RSAD2: variants seen among roughly 807,000 people sequenced by gnomAD.
RSAD2 encodes the protein radical S-adenosyl methionine domain containing 2.
In RSAD2, 38 loss-of-function variants were observed where a neutral mutation model predicts 37.7. The observed-to-expected ratio is 1.01, with a 90% CI of 0.78 to 1.32. The LOEUF (loss-of-function observed/expected upper bound fraction) is 1.32. Among genes scored for constraint, RSAD2 ranks in the 40% most tolerant of loss-of-function variants. The probability of loss-of-function intolerance (pLI) is 0.00; values close to 1 mark genes in which losing one functional copy is unlikely to be tolerated. For missense variants in RSAD2, 428 were observed against 437.5 expected, an observed-to-expected ratio of 0.98 and a Z score of 0.19; for synonymous variants, 163 against 157.4, an observed-to-expected ratio of 1.04 and a Z score of -0.27.
intron 4 of RSAD2, among the ~76,000 whole-genome samples, chr2:6,892,367 A>G (rs1264780809): frequency 6.6e-6 from 1 of 152,204 alleles, no homozygotes; most frequent in African/African-American, 2.4e-5. Context: ...GTTTTCCTCT[A>G]TGCACTATTT....
Position 6,895,984 on chromosome 2 carries a change from C to A in RSAD2, c.*42C>A. The A allele has an allele frequency of 6.3e-7, 1 of 1,583,340 alleles. No individual in the cohort carries two copies. Among genetic ancestry groups the A allele is most frequent in the Non-Finnish European group, 8.6e-7 (1 of 1,158,426 alleles). On this transcript the variant is annotated 3_prime_UTR_variant, in exon 6 of 6. Coordinates refer to ENST00000382040, the MANE Select transcript of RSAD2 (RefSeq NM_080657.5). ...AGACTTCAACACACCAGTGGGAAAA[C>A]TCCTAGAGTAACTGCCATTGTCTGC...
At chr2:6,890,522 A>T (rs1333650147) in intron 4 of RSAD2, among the ~76,000 whole-genome samples, 197 bp downstream of exon 4, 2 of 152,176 alleles carry the variant, frequency 1.3e-5, no homozygotes, top group African/African-American at 4.8e-5. Context: ...CAGGGTCTTT[A>T]GAGAGCTTCA....
Position 6,896,016 on chromosome 2 carries a change from A to G in RSAD2, c.*74A>G. 4 of 1,433,592 alleles carry G rather than the reference A, an allele frequency of 2.8e-6. No individual in the cohort carries two copies. Among genetic ancestry groups the G allele is most frequent in the Admixed American group, 2.0e-5 (1 of 50,414 alleles). 88.8% of individuals were successfully genotyped at this position (1,433,592 alleles called of 1,614,324 possible). A position where few individuals can be genotyped will look rare whatever the true frequency, so the allele number is the denominator to read the frequency against. ...AGTAACTGCCATTGTCTGCAATACT[A>G]TCCCGTTGGTATTTCCCAGTGGCTG... On this transcript the variant is annotated 3_prime_UTR_variant, in exon 6 of 6. Coordinates refer to ENST00000382040, the MANE Select transcript of RSAD2 (RefSeq NM_080657.5).
chr2:6,889,288 A>G (rs544624908), intron 3 of RSAD2, among the ~76,000 whole-genome samples: 5 of 152,350 alleles, frequency 3.3e-5, no homozygotes, highest in African/African-American at 9.6e-5. Flanking sequence ...CTCACAGTCT[A>G]TTAAGGAAGA....
intron 1 of RSAD2, among the ~76,000 whole-genome samples, chr2:6,868,709 T>C (rs1479810418): frequency 6.6e-6 from 1 of 152,220 alleles, no homozygotes; most frequent in Non-Finnish European, 1.5e-5. Context: ...AAGAGTATTC[T>C]CCTCTCTCTT....
chr2:6,871,988 A>G (rs533566304), intron 1 of RSAD2, among the ~76,000 whole-genome samples: 9 of 152,332 alleles, frequency 5.9e-5, no homozygotes, highest in Admixed American at 3.9e-4. Flanking sequence ...ACAGCTTGAG[A>G]TTATGCTAGA....
At position 6,887,099 on chromosome 2, in the gene RSAD2, A is replaced by T; in HGVS notation, c.673A>T (p.Asn225Tyr). Reference sequence around the variant, plus strand: ...CGCTTTCAAGATAAATTCTGTCATTAATCGTTTCAACGTGGAAGAGGACAT... The same window carrying T: ...CGCTTTCAAGATAAATTCTGTCATTTATCGTTTCAACGTGGAAGAGGACAT... ...RVAFKINSVI[N>Y]RFNVEEDMTE... Residue 225 changes from asparagine to tyrosine, a missense_variant, in exon 3 of 6, where the codon AAT becomes TAT. Asn to Tyr is a moderately radical substitution (Grantham distance 143). Transcript: ENST00000382040. The T allele has an allele frequency of 4.3e-6, 7 of 1,614,018 alleles. No homozygotes were observed. Among genetic ancestry groups the T allele is most frequent in the Non-Finnish European group, 5.9e-6 (7 of 1,179,862 alleles).
chr2:6,882,272 C>G (rs928976899), intron 1 of RSAD2, among the ~76,000 whole-genome samples: 5 of 151,642 alleles, frequency 3.3e-5, no homozygotes, highest in African/African-American at 1.2e-4. Context: ...AAGAAGAAAA[C>G]GTCCAAAAAA....
rs1177144341 is a variant in RSAD2 at position 6,895,846 on chromosome 2, A to G, written c.990A>G (p.Glu330=). The G allele has an allele frequency of 6.2e-7, 1 of 1,614,080 alleles. No individual in the cohort carries two copies. The highest frequency in any genetic ancestry group is 8.5e-7 in the Non-Finnish European group (1 of 1,180,004). The change falls in exon 6 of 6, where the codon GAA becomes GAG. Residue 330 remains glutamate (E), a synonymous_variant. Transcript: ENST00000382040. ...AGTCCATCCTGGATGTTGGTGTAGA[A>G]GAAGCTATAAAATTCAGTGGATTTG... The part of the protein sequence containing the change: ...PSKSILDVGV[E]EAIKFSGFDE...
At chr2:6,873,459 A>G (rs925661163), upstream of RSAD2, among the ~76,000 whole-genome samples, 7 of 152,220 alleles carry the variant, frequency 4.6e-5, no homozygotes, top group Non-Finnish European at 1.5e-5. Flanking sequence ...AGGCAATCAT[A>G]CTAAAGGAGG....
chr2:6,888,692 T>C (rs1400234855), intron 3 of RSAD2, among the ~76,000 whole-genome samples: 2 of 152,214 alleles, frequency 1.3e-5, no homozygotes, highest in Non-Finnish European at 2.9e-5. Flanking sequence ...CACTGTAGAT[T>C]TGCCATCAAG....
upstream of RSAD2, chr2:6,876,854 A>C (rs989356638): frequency 2.6e-5 from 4 of 152,192 alleles, no homozygotes; most frequent in Admixed American, 1.3e-4. Context: ...TTTGCTGATG[A>C]AGAAATGGAA....
upstream of RSAD2, among the ~76,000 whole-genome samples, chr2:6,874,659 C>G (rs58874420): frequency 6.5e-3 from 953 of 145,876 alleles, 12 homozygotes; most frequent in African/African-American, 0.023. Flanking sequence ...AACTTTATGA[C>G]TTTTATTTAA....
rs765956759 is a variant in RSAD2 at position 6,877,889 on chromosome 2, C to T, written c.89C>T (p.Pro30Leu). 20 of 1,613,976 alleles carry T rather than the reference C, an allele frequency of 1.2e-5. No homozygotes were observed. The highest frequency in any genetic ancestry group is 5.0e-5 in the Admixed American group (3 of 59,986). ...AGCTCTCTGTGGAGGAGCCTGGTCC[C>T]GCTGTTCTGCTGGCTGAGGGCAACC... ...PLSSLWRSLV[P>L]LFCWLRATFW... The change falls in exon 1 of 6, where the codon CCG becomes CTG. Residue 30 changes from proline to leucine, a missense_variant. By Grantham distance (98) the Pro-to-Leu change is moderately conservative. Transcript: ENST00000382040.
chr2:6,882,634 A>G (rs1663436502), intron 1 of RSAD2, among the ~76,000 whole-genome samples: 1 of 152,214 alleles, frequency 6.6e-6, no homozygotes, highest in South Asian at 2.1e-4. Flanking sequence ...ATAAAGAGCT[A>G]TGATTTGAGA....
intron 1 of RSAD2, among the ~76,000 whole-genome samples, chr2:6,869,274 T>C (rs1663163674): frequency 6.6e-6 from 1 of 152,316 alleles, no homozygotes; most frequent in Non-Finnish European, 1.5e-5. Flanking sequence ...TAAAGCCCAG[T>C]TGGGAGTCTA....
chr2:6,883,926 TG>T (rs1663465654), intron 2 of RSAD2: 2 of 171,880 alleles, frequency 1.2e-5, no homozygotes, highest in African/African-American at 4.8e-5. Context: ...CCTCGTGGTG[TG>T]TGGATTAGCC....
At chr2:6,892,315 G>A (rs1245090092) in intron 4 of RSAD2, among the ~76,000 whole-genome samples, 2 of 152,168 alleles carry the variant, frequency 1.3e-5, no homozygotes, top group African/African-American at 2.4e-5. Flanking sequence ...CAGAATGAAG[G>A]ACAGGATGAC....
chr2:6,890,219 A>G lies in RSAD2; in HGVS notation c.782A>G (p.Asp261Gly). Residue 261 changes from aspartate (D) to glycine (G), a missense_variant, in exon 4 of 6, where the codon GAT becomes GGT. By Grantham distance (94) the Asp-to-Gly change is moderately conservative (BLOSUM62 -1). Transcript: ENST00000382040. The part of the protein sequence containing the change: ...LLIEGENCGE[D>G]ALREAERFVI... ...ATTGAGGGTGAGAATTGTGGAGAAG[A>G]TGCTCTAAGAGAAGCAGAAAGATTT... 6.2e-7 allele frequency: 1 copy of G among 1,614,184 alleles called. No homozygotes were observed. The highest frequency in any genetic ancestry group is 1.6e-4 in the Middle Eastern group (1 of 6,062).
Sources: gnomAD v4.1 joint callset for allele counts (sites outside exome capture counted in the v4.1 genomes callset) on GRCh38, gnomAD v4.1.1 for gene constraint, MANE v1.5 for transcripts, NCBI Gene and HGNC (gene_info 2026-07-23, HGNC 2026-07-21) for gene names.